Variants in TTC39C observed in about 807,000 individuals in gnomAD.
The protein encoded by TTC39C is tetratricopeptide repeat protein 39C.
TTC39C carries 33 observed loss-of-function variants against 76.3 expected under a neutral mutation model. The observed-to-expected ratio is 0.43, with a 90% CI of 0.33 to 0.58. The LOEUF (loss-of-function observed/expected upper bound fraction) is 0.58, where lower values mean the gene tolerates loss of function less well. TTC39C is among the 20% of genes least tolerant of loss of function. The pLI is 0.04. For missense variants in TTC39C, 595 were observed against 701.4 expected, an observed-to-expected ratio of 0.85 and a Z score of 1.71; for synonymous variants, 254 against 260.6, an observed-to-expected ratio of 0.97 and a Z score of 0.24.
intron 10 of TTC39C, among the ~76,000 whole-genome samples, chr18:24,126,215 A>G (rs1417044188): frequency 1.3e-5 from 2 of 152,134 alleles, no homozygotes; most frequent in African/African-American, 4.8e-5. Context: ...AAAAAAAGAA[A>G]TATGTTCTTC....
At chr18:24,055,439 G>A (rs1418438532) in intron 1 of TTC39C, among the ~76,000 whole-genome samples, 1 of 152,156 alleles carries the variant, frequency 6.6e-6, no homozygotes, top group East Asian at 1.9e-4. Context: ...GTGGGTGTGA[G>A]GTGGTGTCTC....
chr18:24,066,615 T>C (rs2084168658), intron 3 of TTC39C, among the ~76,000 whole-genome samples: 1 of 152,330 alleles, frequency 6.6e-6, no homozygotes, highest in Non-Finnish European at 1.5e-5. Flanking sequence ...AGTGCTAGGC[T>C]ATGGAGAGGC....
intron 3 of TTC39C, among the ~76,000 whole-genome samples, chr18:24,068,485 A>G (rs1302385670): frequency 2.6e-5 from 4 of 152,208 alleles, no homozygotes; most frequent in African/African-American, 9.7e-5. Context: ...ATTCAAGTTT[A>G]CTTTGTACTA....
intron 1 of TTC39C, among the ~76,000 whole-genome samples, chr18:24,031,295 A>C (rs1263245461): frequency 6.6e-6 from 1 of 151,746 alleles, no homozygotes; most frequent in East Asian, 1.9e-4. Flanking sequence ...TTGCACATAG[A>C]AAATTAAGGT....
chr18:24,010,325 T>C (rs983411628), upstream of TTC39C, among the ~76,000 whole-genome samples: 23 of 152,250 alleles, frequency 1.5e-4, no homozygotes, highest in African/African-American at 5.5e-4. Flanking sequence ...CGCTACTTGT[T>C]ACAAGAGTTT....
At chr18:24,087,446 T>C (rs2084455518) in intron 6 of TTC39C, among the ~76,000 whole-genome samples, 1 of 152,242 alleles carries the variant, frequency 6.6e-6, no homozygotes, top group South Asian at 2.1e-4. Context: ...TTATATGGTG[T>C]GACTAGTAAT....
At chr18:24,124,668 C>A (rs956692141) in intron 9 of TTC39C, among the ~76,000 whole-genome samples, 1 of 152,060 alleles carries the variant, frequency 6.6e-6, no homozygotes, top group Non-Finnish European at 1.5e-5. Flanking sequence ...TTTAATGAAG[C>A]TTTTGAGTAT....
intron 1 of TTC39C, among the ~76,000 whole-genome samples, chr18:24,004,168 G>A (rs2083334278): frequency 6.6e-6 from 1 of 152,188 alleles, no homozygotes; most frequent in South Asian, 2.1e-4. Context: ...TTACCTTTCT[G>A]GAGCAGTAAG....
intron 9 of TTC39C, chr18:24,124,421 T>C (rs2085019638): frequency 6.6e-6 from 1 of 152,276 alleles, no homozygotes; most frequent in African/African-American, 2.4e-5. Context: ...TAGTGAGAAA[T>C]GCAGGCTGTC....
At chr18:24,069,044 C>T in intron 3 of TTC39C, 113 bp from the exon 4 acceptor site, 1 of 850,326 alleles carries the variant, frequency 1.2e-6, no homozygotes, top group East Asian at 2.6e-5. Flanking sequence ...CTTTGAGTGC[C>T]AGGTTTCACA....
chr18:24,119,758 T>C (rs944229796), intron 8 of TTC39C, among the ~76,000 whole-genome samples: 2 of 152,206 alleles, frequency 1.3e-5, no homozygotes, highest in African/African-American at 4.8e-5. Context: ...AGCAGCTATT[T>C]GTTGAGTGAC....
intron 4 of TTC39C, among the ~76,000 whole-genome samples, chr18:24,075,697 A>AAG (rs1555773841): frequency 6.6e-6 from 1 of 151,054 alleles, no homozygotes; most frequent in African/African-American, 2.4e-5. Context: ...AAAAAAAAAA[A>AAG]AAAAAACAAA....
At chr18:24,089,148 GGGATCAT>G (rs1034827057) in intron 6 of TTC39C, among the ~76,000 whole-genome samples, 3 of 152,122 alleles carry the variant, frequency 2.0e-5, no homozygotes, top group Admixed American at 1.3e-4. Context: ...GAGACCCCGG[GGGATCAT>G]GGAGAATATG....
intron 3 of TTC39C, among the ~76,000 whole-genome samples, chr18:24,067,705 G>A (rs1393273772): frequency 1.3e-4 from 20 of 152,030 alleles, no homozygotes; most frequent in Admixed American, 1.2e-3. Context: ...ATTGTCTTCC[G>A]TGAAGCTGGT....
chr18:24,058,654 A>C (rs2084048925), intron 1 of TTC39C, among the ~76,000 whole-genome samples: 1 of 152,198 alleles, frequency 6.6e-6, no homozygotes, highest in Non-Finnish European at 1.5e-5. Flanking sequence ...TCTCAAAAAA[A>C]AAATCATTAG....
At chr18:24,117,896 G>C (rs760168822) in intron 7 of TTC39C, among the ~76,000 whole-genome samples, 15 of 152,068 alleles carry the variant, frequency 9.9e-5, no homozygotes, top group Non-Finnish European at 1.6e-4. Context: ...TCTCTTCTGT[G>C]CTGTTTTATT....
At chr18:24,126,284 C>G (rs1053641901) in intron 10 of TTC39C, among the ~76,000 whole-genome samples, 10 of 152,086 alleles carry the variant, frequency 6.6e-5, no homozygotes, top group African/African-American at 2.2e-4. Context: ...ACATAATATT[C>G]CAGAAATAGT....
intron 8 of TTC39C, among the ~76,000 whole-genome samples, chr18:24,119,123 GA>G (rs1257076921): frequency 9.1e-3 from 4 of 438 alleles, no homozygotes; most frequent in East Asian, 0.083. Flanking sequence ...ATTCTGTTTT[GA>G]ATTAAGTGTT....
chr18:24,033,787 T>C (rs2083702269), intron 1 of TTC39C, among the ~76,000 whole-genome samples: 1 of 152,260 alleles, frequency 6.6e-6, no homozygotes, highest in Non-Finnish European at 1.5e-5. Flanking sequence ...TTTCAGAGTC[T>C]GTCTGTGACT....
Sources: allele counts gnomAD v4.1 joint callset (sites outside exome capture counted in the v4.1 genomes callset), GRCh38; gene constraint gnomAD v4.1.1; transcripts MANE v1.5; gene names NCBI Gene and HGNC (gene_info 2026-07-23, HGNC 2026-07-21).